FGD4: variants seen among roughly 807,000 people sequenced by gnomAD.
The protein encoded by FGD4 is FYVE, RhoGEF and PH domain-containing protein 4.
FGD4 carries 42 observed loss-of-function variants against 102.0 expected under a neutral mutation model. The ratio of observed to expected loss-of-function variants is 0.41; its 90% confidence interval spans 0.32 to 0.53. The LOEUF is 0.53. FGD4 is among the 20% of genes least tolerant of loss of function. The pLI, the probability that FGD4 is intolerant of heterozygous loss-of-function variation, is 0.21. For missense variants in FGD4, 902 were observed against 1,078.2 expected (o/e 0.84, Z 2.29); for synonymous variants, 380 against 375.7 (o/e 1.01, Z -0.13).
intron 3 of FGD4, among the ~76,000 whole-genome samples, chr12:32,578,579 C>T (rs1565864459): frequency 6.6e-6 from 1 of 152,084 alleles, no homozygotes; most frequent in Non-Finnish European, 1.5e-5. Flanking sequence ...CCTATAATCC[C>T]AGCACTTTGG....
chr12:32,510,122 A>G (rs117871273), intron 1 of FGD4, among the ~76,000 whole-genome samples: 2,372 of 152,306 alleles, frequency 0.016, 33 homozygotes, highest in Non-Finnish European at 0.026. Flanking sequence ...CATAATTCCA[A>G]TTTTAGAAAT....
intron 4 of FGD4, among the ~76,000 whole-genome samples, chr12:32,597,218 C>T (rs917997121): frequency 9.9e-5 from 15 of 152,156 alleles, no homozygotes; most frequent in Non-Finnish European, 1.5e-4. Context: ...GGTAAATTCA[C>T]GCCACAAAAT....
At chr12:32,549,535 A>G (rs17538032) in intron 1 of FGD4, among the ~76,000 whole-genome samples, 15,531 of 152,242 alleles carry the variant, frequency 0.1, 1,012 homozygotes, top group Middle Eastern at 0.18. Context: ...ACCACAAACA[A>G]CAAAACATAA....
chr12:32,581,491 G>A (rs1438392754), intron 3 of FGD4, among the ~76,000 whole-genome samples: 1 of 152,028 alleles, frequency 6.6e-6, no homozygotes, highest in Non-Finnish European at 1.5e-5. Flanking sequence ...AAAACTCTTT[G>A]GTTCATAATT....
chr12:32,514,167 A>G (rs532131450), intron 1 of FGD4, among the ~76,000 whole-genome samples: 2 of 152,346 alleles, frequency 1.3e-5, no homozygotes, highest in African/African-American at 4.8e-5. Flanking sequence ...TGAGCTCACA[A>G]TATAACTTAG....
chr12:32,408,089 T>A (rs1941023519), intron 1 of FGD4, among the ~76,000 whole-genome samples: 1 of 151,508 alleles, frequency 6.6e-6, no homozygotes, highest in Non-Finnish European at 1.5e-5. Flanking sequence ...AAATTTCACC[T>A]CCCAGGTTCA....
intron 4 of FGD4, among the ~76,000 whole-genome samples, chr12:32,585,681 A>G (rs1048414378): frequency 6.6e-6 from 1 of 151,802 alleles, no homozygotes; most frequent in African/African-American, 2.4e-5. Flanking sequence ...AAAAAATTTA[A>G]AAGTTCGCTG....
chr12:32,632,161 G>T (rs1423462455), intron 14 of FGD4, among the ~76,000 whole-genome samples: 1 of 152,038 alleles, frequency 6.6e-6, no homozygotes, highest in Non-Finnish European at 1.5e-5. Context: ...ACTTCTATAA[G>T]CAAGAAGATA....
At chr12:32,525,917 G>A (rs1485075566) in intron 1 of FGD4, among the ~76,000 whole-genome samples, 1 of 152,252 alleles carries the variant, frequency 6.6e-6, no homozygotes, top group South Asian at 2.1e-4. Flanking sequence ...CCACGGGGCA[G>A]GGCTCGGGAC....
intron 1 of FGD4, among the ~76,000 whole-genome samples, chr12:32,458,007 T>TG (rs1006464585): frequency 6.6e-6 from 1 of 152,072 alleles, no homozygotes; most frequent in Non-Finnish European, 1.5e-5. Flanking sequence ...CTTTTTTTTT[T>TG]TAATTTTCAT....
intron 4 of FGD4, among the ~76,000 whole-genome samples, chr12:32,596,353 A>G (rs1947892444): frequency 6.6e-6 from 1 of 152,212 alleles, no homozygotes; most frequent in Admixed American, 6.5e-5. Context: ...GAGAGGATGG[A>G]AAGAAGAAAG....
chr12:32,447,629 G>A (rs1349169317), intron 1 of FGD4, among the ~76,000 whole-genome samples: 1 of 152,164 alleles, frequency 6.6e-6, no homozygotes, highest in African/African-American at 2.4e-5. Context: ...CAACTGAAAG[G>A]TTTAGCATTC....
chr12:32,611,733 G>A (rs11052102), intron 10 of FGD4, among the ~76,000 whole-genome samples: 2,089 of 152,310 alleles, frequency 0.014, 51 homozygotes, highest in African/African-American at 0.048. Flanking sequence ...TCAATTTAGG[G>A]AAATATTCTA....
chr12:32,448,852 A>G (rs1256304730), intron 1 of FGD4, among the ~76,000 whole-genome samples: 1 of 152,180 alleles, frequency 6.6e-6, no homozygotes. Context: ...AAAACCAGAA[A>G]CCATGAGACA....
chr12:32,436,272 A>C (rs1942225194), intron 1 of FGD4, among the ~76,000 whole-genome samples: 1 of 152,248 alleles, frequency 6.6e-6, no homozygotes, highest in Non-Finnish European at 1.5e-5. Flanking sequence ...TTAAAACTTA[A>C]TCAGCAACAG....
At chr12:32,488,015 T>C (rs1440621474) in intron 1 of FGD4, among the ~76,000 whole-genome samples, 3 of 152,186 alleles carry the variant, frequency 2.0e-5, no homozygotes, top group Admixed American at 6.5e-5. Flanking sequence ...AAGTCTTGTA[T>C]GAATGAAAAC....
chr12:32,486,025 T>A (rs1943888474), intron 1 of FGD4: 10 of 1,462,780 alleles, frequency 6.8e-6, no homozygotes, highest in Non-Finnish European at 8.1e-6. Context: ...AGTGTCTAAA[T>A]ACAGAATGCC....
intron 10 of FGD4, 56 bp from the exon 11 acceptor site, chr12:32,619,642 C>T: frequency 6.3e-7 from 1 of 1,594,634 alleles, no homozygotes; most frequent in Admixed American, 1.7e-5. Flanking sequence ...AAAAAAAAAC[C>T]TGATCAGTTT....
intron 1 of FGD4, among the ~76,000 whole-genome samples, chr12:32,426,868 T>G (rs1941855746): frequency 6.6e-6 from 1 of 152,222 alleles, no homozygotes; most frequent in African/African-American, 2.4e-5. Flanking sequence ...GTTTATAGTA[T>G]TCTCTGATGG....
Sources: gnomAD v4.1 joint callset for allele counts (sites outside exome capture counted in the v4.1 genomes callset) on GRCh38, gnomAD v4.1.1 for gene constraint, MANE v1.5 for transcripts, NCBI Gene and HGNC (gene_info 2026-07-23, HGNC 2026-07-21) for gene names.